Variants in CRB1 observed in about 807,000 individuals in gnomAD.
The protein encoded by CRB1 is protein crumbs homolog 1.
Under a neutral mutation model 120.0 loss-of-function variants are expected in CRB1, and 83 were observed. The ratio of observed to expected loss-of-function variants is 0.69; its 90% CI spans 0.58 to 0.83. CRB1 has a LOEUF of 0.83. Among genes scored for constraint, CRB1 ranks in the 40% least tolerant of loss-of-function variants. CRB1 has a pLI of 0.00. For synonymous variants in CRB1, 625 were observed against 612.5 expected (o/e 1.02, Z -0.30); for missense variants, 1,699 against 1,687.6 (o/e 1.01, Z -0.12).
intron 1 of CRB1, among the ~76,000 whole-genome samples, chr1:197,314,470 A>T: frequency 6.6e-6 from 1 of 152,120 alleles, no homozygotes; most frequent in Non-Finnish European, 1.5e-5. Flanking sequence ...TTGCAAGCTA[A>T]TTTCAACAGT....
chr1:197,238,481 T>C, the CRB1 span, among the ~76,000 whole-genome samples: 1 of 152,186 alleles, frequency 6.6e-6, no homozygotes, highest in Non-Finnish European at 1.5e-5. Context: ...AAGTACGATC[T>C]TTTTTTCTTA....
chr1:197,324,638 G>A (rs570870052), intron 1 of CRB1, among the ~76,000 whole-genome samples: 16 of 152,234 alleles, frequency 1.1e-4, no homozygotes, highest in African/African-American at 3.6e-4. Context: ...GAGGCAGAGC[G>A]ATGTTATCTT....
At chr1:197,227,749 ACT>A in the CRB1 span, among the ~76,000 whole-genome samples, 3 of 151,438 alleles carry the variant, frequency 2.0e-5, no homozygotes, top group Admixed American at 6.6e-5. Flanking sequence ...CCCAGTAGGG[ACT>A]CTGTGTGGGG....
intron 2 of CRB1, among the ~76,000 whole-genome samples, chr1:197,341,254 T>C (rs952772817): frequency 1.3e-5 from 2 of 152,098 alleles, no homozygotes. Context: ...ATCAGGAGGA[T>C]GATCTGGGCC....
intron 11 of CRB1, among the ~76,000 whole-genome samples, chr1:197,461,951 G>T (rs1666551124): frequency 6.6e-6 from 1 of 152,142 alleles, no homozygotes; most frequent in East Asian, 1.9e-4. Flanking sequence ...TCTCAAGATA[G>T]AAATGTATGA....
chr1:197,362,523 A>C (rs1016004456), intron 5 of CRB1, among the ~76,000 whole-genome samples: 1 of 151,980 alleles, frequency 6.6e-6, no homozygotes, highest in Non-Finnish European at 1.5e-5. Context: ...CAGTTCTATC[A>C]ATTTTTCTTC....
At chr1:197,224,088 C>G in the CRB1 span, among the ~76,000 whole-genome samples, 1 of 152,010 alleles carries the variant, frequency 6.6e-6, no homozygotes, top group Admixed American at 6.5e-5. Flanking sequence ...AAGACTGACA[C>G]GTTAATAATA....
chr1:197,264,933 G>A (rs1179523369), upstream of CRB1, among the ~76,000 whole-genome samples: 1 of 151,894 alleles, frequency 6.6e-6, no homozygotes, highest in Non-Finnish European at 1.5e-5. Context: ...CCAGAACAGT[G>A]CATTCTTTGT....
intron 5 of CRB1, 143 bp from the exon 6 acceptor site, chr1:197,420,857 A>G (rs1664266199): frequency 3.0e-6 from 2 of 663,068 alleles, no homozygotes; most frequent in African/African-American, 3.6e-5. Context: ...ACTTTTCCTT[A>G]TTAAGTGTTT....
Position 197,427,655 on chromosome 1 carries a change from C to T in CRB1, c.2330C>T (p.Pro777Leu), listed in dbSNP as rs886045784. ...LERGRLAMLT[P>L]NSPKLVVKFV... ...CGCGGCAGACTAGCAATGCTGACTC[C>T]AAACTCTCCCAAATTAGTAGTAAAA... Residue 777 changes from proline (P) to leucine (L), a missense_variant, in exon 7 of 12, where the codon CCA becomes CTA. Pro to Leu is a moderately conservative substitution (Grantham distance 98). Transcript: ENST00000367400. 3.1e-6 allele frequency: 5 copies of T among 1,613,782 alleles called. No individual in the cohort carries two copies. Among genetic ancestry groups the T allele is most frequent in the Non-Finnish European group, 3.4e-6 (4 of 1,179,944 alleles).
chr1:197,302,595 A>G (rs1656933324), intron 1 of CRB1, among the ~76,000 whole-genome samples: 1 of 152,214 alleles, frequency 6.6e-6, no homozygotes. Flanking sequence ...GGTGAGCTAA[A>G]TGTTAGGAGT....
intron 1 of CRB1, among the ~76,000 whole-genome samples, chr1:197,307,187 C>T (rs1196644154): frequency 6.6e-6 from 1 of 152,092 alleles, no homozygotes; most frequent in Non-Finnish European, 1.5e-5. Context: ...TCTCATAGAA[C>T]TGATAGTAAA....
At chr1:197,415,641 C>CTTTTTTTTTTTTT (rs55654070) in intron 5 of CRB1, among the ~76,000 whole-genome samples, 44 of 94,014 alleles carry the variant, frequency 4.7e-4, no homozygotes, top group Non-Finnish European at 7.0e-4. Flanking sequence ...TTTTTCTTTT[C>CTTTTTTTTTTTTT]TTTTTTTTTT....
intron 11 of CRB1, among the ~76,000 whole-genome samples, chr1:197,460,023 T>TTTA (rs397982521): frequency 2.1e-5 from 3 of 145,070 alleles, no homozygotes; most frequent in Admixed American, 6.9e-5. Context: ...TTTTTTTTTT[T>TTTA]ACTTCACTTG....
rs140608881 is a variant in CRB1, at chr1:197,427,684, G to A, written c.2359G>A (p.Val787Ile). The A allele has an allele frequency of 1.2e-6, 2 of 1,613,862 alleles. No homozygotes were observed. Among genetic ancestry groups the A allele is most frequent in the South Asian group, 1.1e-5 (1 of 91,082 alleles). Residue 787 changes from valine (V) to isoleucine (I), a missense_variant, in exon 7 of 12, where the codon GTT becomes ATT. Coordinates refer to ENST00000367400, the MANE Select transcript of CRB1 (RefSeq NM_201253.3). ...PNSPKLVVKF[V>I]LNDGNVHLIS... The stretch of plus-strand genomic sequence containing the variant: ...CTCTCCCAAATTAGTAGTAAAATTT[G>A]TTCTTAATGATGGAAATGTCCACTT...
chr1:197,335,701 T>G (rs1225871494), intron 2 of CRB1, among the ~76,000 whole-genome samples: 1 of 152,278 alleles, frequency 6.6e-6, no homozygotes, highest in Admixed American at 6.5e-5. Flanking sequence ...CATTTCACCA[T>G]GTTAGCCAGG....
chr1:197,272,527 A>C (rs1654963765), intron 1 of CRB1, among the ~76,000 whole-genome samples: 1 of 151,910 alleles, frequency 6.6e-6, no homozygotes, highest in African/African-American at 2.4e-5. Context: ...ATTCAAGTGG[A>C]CAAGAAAAGT....
In CRB1 at chr1:197,305,889, T is replaced by G. The variant is rs550431446; in HGVS notation, c.71-22533T>G. ...AAATTACTCACTTTGGAAACTGATA[T>G]TTGAGATCTAATTGAAAAAAAAAAA... On this transcript the variant is annotated intron_variant, in intron 1 of 11. Coordinates refer to ENST00000367400, the MANE Select transcript of CRB1 (RefSeq NM_201253.3). 4.9e-5 allele frequency among the ~76,000 whole-genome samples: 7 copies of G among 143,582 alleles called. No homozygotes were observed. The East Asian group carries it at 1.6e-3, about 34-fold the overall frequency. The allele number at this position is 143,582 out of a possible 152,430, so 94.2% of individuals were successfully genotyped here.
At chr1:197,339,263 T>G (rs1043267614) in intron 2 of CRB1, among the ~76,000 whole-genome samples, 2 of 152,154 alleles carry the variant, frequency 1.3e-5, no homozygotes, top group Non-Finnish European at 1.5e-5. Context: ...CCTTATTGCT[T>G]TAGGATGTTA....
Sources: allele counts gnomAD v4.1 joint callset (sites outside exome capture counted in the v4.1 genomes callset), GRCh38; gene constraint gnomAD v4.1.1; transcripts MANE v1.5; gene names NCBI Gene and HGNC (gene_info 2026-07-23, HGNC 2026-07-21).